Variants in ASAP2 observed in about 807,000 individuals in gnomAD.
ASAP2 encodes the protein arf-GAP with SH3 domain, ANK repeat and PH domain-containing protein 2.
ASAP2 carries 45 observed loss-of-function variants against 131.4 expected under a neutral mutation model. The observed-to-expected ratio is 0.34, with a 90% CI of 0.27 to 0.44. ASAP2 has a LOEUF of 0.44. Among genes scored for constraint, ASAP2 ranks in the 20% least tolerant of loss-of-function variants. The pLI is 1.00. For synonymous variants in ASAP2, 510 were observed against 503.0 expected, an observed-to-expected ratio of 1.01 and a Z score of -0.19; for missense variants, 1,011 against 1,297.0, an observed-to-expected ratio of 0.78 and a Z score of 3.39.
intron 1 of ASAP2, among the ~76,000 whole-genome samples, chr2:9,254,858 C>T (rs568814194): frequency 2.2e-4 from 34 of 152,118 alleles, no homozygotes; most frequent in Non-Finnish European, 4.3e-4. Flanking sequence ...CAGTTTTTGG[C>T]TATTATGGAT....
chr2:9,239,444 CAT>C (rs35204746), intron 1 of ASAP2, among the ~76,000 whole-genome samples: 33,456 of 151,884 alleles, frequency 0.22, 4,011 homozygotes, highest in African/African-American at 0.28. Context: ...AGAATGAAAT[CAT>C]GTGTGTGGTG....
At chr2:9,240,757 A>C (rs1454226805) in intron 1 of ASAP2, among the ~76,000 whole-genome samples, 7 of 152,148 alleles carry the variant, frequency 4.6e-5, no homozygotes, top group Non-Finnish European at 7.4e-5. Context: ...TCATCTTTTT[A>C]CTTAAAGGAA....
At chr2:9,325,839 G>C (rs1379029190) in intron 6 of ASAP2, among the ~76,000 whole-genome samples, 1 of 152,232 alleles carries the variant, frequency 6.6e-6, no homozygotes, top group East Asian at 1.9e-4. Context: ...CTGGCACTTG[G>C]AGGGGTCAGG....
chr2:9,342,718 A>C (rs1443715229), intron 9 of ASAP2, among the ~76,000 whole-genome samples: 3 of 152,244 alleles, frequency 2.0e-5, no homozygotes, highest in Admixed American at 6.5e-5. Flanking sequence ...CAGAAATCCA[A>C]GAGGCTGCCT....
At chr2:9,263,673 T>C (rs1665737320) in intron 1 of ASAP2, among the ~76,000 whole-genome samples, 1 of 152,200 alleles carries the variant, frequency 6.6e-6, no homozygotes, top group South Asian at 2.1e-4. Flanking sequence ...TTCCTTAAAC[T>C]GCAGGAGGCT....
chr2:9,320,364 G>T (rs374743691), intron 5 of ASAP2, 27 bp downstream of exon 5: 3 of 1,584,996 alleles, frequency 1.9e-6, no homozygotes, highest in Middle Eastern at 1.7e-4. Context: ...TTAAATTTAC[G>T]TATAGGTAAT....
At chr2:9,346,917 G>A (rs1672002333) in intron 11 of ASAP2, among the ~76,000 whole-genome samples, 1 of 152,222 alleles carries the variant, frequency 6.6e-6, no homozygotes, top group Admixed American at 6.5e-5. Context: ...CTTTAAATTT[G>A]GATGGGTTGC....
Position 9,403,463 on chromosome 2 carries a change from A to T in ASAP2, c.*136A>T. 3 of 687,644 alleles carry T rather than the reference A, an allele frequency of 4.4e-6. No homozygotes were observed. The highest frequency in any genetic ancestry group is 4.7e-5 in the South Asian group (2 of 42,482). 42.6% of individuals were successfully genotyped at this position (687,644 alleles called of 1,614,324 possible). A position where few individuals can be genotyped will look rare whatever the true frequency, so the allele number is the denominator to read the frequency against. On this transcript the variant is annotated 3_prime_UTR_variant, in exon 28 of 28. Coordinates refer to ENST00000281419, the MANE Select transcript of ASAP2 (RefSeq NM_003887.3). ...CTAATGCCACTGCTCTGTTTTAAAAACTCAGAGGCAATTTTTACATATCAG... is the reference window on the plus strand; with the variant it reads ...CTAATGCCACTGCTCTGTTTTAAAATCTCAGAGGCAATTTTTACATATCAG...
chr2:9,376,836 A>T, intron 17 of ASAP2, 72 bp from the exon 18 acceptor site: 3 of 1,351,806 alleles, frequency 2.2e-6, no homozygotes, highest in Non-Finnish European at 3.2e-6. Context: ...GTTGTACACG[A>T]TTTCACCGGT....
chr2:9,382,783 C>T (rs1371695051), intron 20 of ASAP2, among the ~76,000 whole-genome samples: 2 of 152,238 alleles, frequency 1.3e-5, no homozygotes, highest in African/African-American at 4.8e-5. Flanking sequence ...ACTGCTGTGA[C>T]CAAAGGTGTG....
Position 9,383,815 on chromosome 2 carries a change from G to A in ASAP2, c.2017-1430G>A, listed in dbSNP as rs574774097. On this transcript the variant is annotated intron_variant, in intron 20 of 27. Transcript: ENST00000281419. Reference sequence around the variant, plus strand: ...TAAGAAAATGTGGCACATATACACCGTGCAATACTGTGCAGCCATAAAAAA... The same window carrying A: ...TAAGAAAATGTGGCACATATACACCATGCAATACTGTGCAGCCATAAAAAA... Among the ~76,000 whole-genome samples, 15 of 152,074 alleles carry A rather than the reference G, an allele frequency of 9.9e-5. No individual in the cohort carries two copies. The East Asian group carries it at 1.2e-3, about 12-fold the overall frequency.
chr2:9,354,009 C>G (rs1467798666), intron 12 of ASAP2, among the ~76,000 whole-genome samples: 1 of 152,162 alleles, frequency 6.6e-6, no homozygotes, highest in Non-Finnish European at 1.5e-5. Flanking sequence ...TGAGCATGGG[C>G]TTTTCTAGGA....
intron 14 of ASAP2, among the ~76,000 whole-genome samples, 174 bp downstream of exon 14, chr2:9,356,519 G>A (rs1227247009): frequency 6.6e-6 from 1 of 152,220 alleles, no homozygotes; most frequent in Admixed American, 6.5e-5. Context: ...CGCGGCAGGG[G>A]AGAGGGGCGG....
Position 9,403,617 on chromosome 2 carries a change from G to A in ASAP2, c.*290G>A, listed in dbSNP as rs1269186291. ...TACATAATCAAGATCCTGCCTCTAC[G>A]GAATTAGCTAAACCTAAAAATGTTT... On this transcript the variant is annotated 3_prime_UTR_variant, in exon 28 of 28. Transcript: ENST00000281419. 5 of 338,314 alleles carry A rather than the reference G, an allele frequency of 1.5e-5. No individual in the cohort carries two copies. Among genetic ancestry groups the A allele is most frequent in the African/African-American group, 8.6e-5 (4 of 46,652 alleles). 21.0% of individuals were successfully genotyped at this position (338,314 alleles called of 1,614,324 possible). A position where few individuals can be genotyped will look rare whatever the true frequency, so the allele number is the denominator to read the frequency against.
At chr2:9,312,365 A>C (rs1408811022) in intron 3 of ASAP2, among the ~76,000 whole-genome samples, 1 of 152,176 alleles carries the variant, frequency 6.6e-6, no homozygotes, top group African/African-American at 2.4e-5. Flanking sequence ...CTCTCTCTCC[A>C]GCTGCTGCCT....
intron 25 of ASAP2, among the ~76,000 whole-genome samples, 172 bp from the exon 26 acceptor site, chr2:9,400,570 C>T (rs1676577218): frequency 6.6e-6 from 1 of 152,046 alleles, no homozygotes; most frequent in Non-Finnish European, 1.5e-5. Flanking sequence ...ACACTCGCTG[C>T]CACACAAGCT....
At chr2:9,271,715 AGG>A (rs906199561) in intron 1 of ASAP2, 5 of 462,712 alleles carry the variant, frequency 1.1e-5, no homozygotes, top group Non-Finnish European at 1.9e-5. Flanking sequence ...ACGGGGCCCA[AGG>A]GGGAGGCTGC....
intron 4 of ASAP2, among the ~76,000 whole-genome samples, chr2:9,319,622 G>A: frequency 6.6e-6 from 1 of 152,204 alleles, no homozygotes; most frequent in East Asian, 1.9e-4. Flanking sequence ...TGGCACTTGG[G>A]CCTTACCTGA....
chr2:9,331,816 G>A (rs1670861246), intron 7 of ASAP2, among the ~76,000 whole-genome samples: 1 of 151,902 alleles, frequency 6.6e-6, no homozygotes, highest in African/African-American at 2.4e-5. Context: ...ATGTTGAATT[G>A]ACTTGTTCTT....
Sources: gnomAD v4.1 joint callset for allele counts (sites outside exome capture counted in the v4.1 genomes callset) on GRCh38, gnomAD v4.1.1 for gene constraint, MANE v1.5 for transcripts, NCBI Gene and HGNC (gene_info 2026-07-23, HGNC 2026-07-21) for gene names.